The following ZNF324B variants were observed in gnomAD, a reference collection of about 807,000 sequenced individuals.
ZNF324B encodes the protein zinc finger protein 324B.
ZNF324B carries 7 observed loss-of-function variants against 10.6 expected under a neutral mutation model. The observed-to-expected ratio is 0.66, with a 90% CI of 0.38 to 1.24. The LOEUF (loss-of-function observed/expected upper bound fraction) is 1.24, where lower values mean the gene tolerates loss of function less well. Among genes scored for constraint, ZNF324B ranks in the 50% most tolerant of loss-of-function variants. The pLI, the probability that ZNF324B is intolerant of heterozygous loss-of-function variation, is 0.02. For synonymous variants in ZNF324B, 316 were observed against 321.0 expected (o/e 0.98, Z 0.17); for missense variants, 640 against 764.7 (o/e 0.84, Z 1.92).
chr19:58,424,388 TTAA>T, the ZNF324B span, among the ~76,000 whole-genome samples: 1,495 of 152,310 alleles, frequency 9.8e-3, 31 homozygotes, highest in African/African-American at 0.034. Context: ...CGATTATAAG[TTAA>T]TAATCATCCA....
At chr19:58,439,681 A>G in the ZNF324B span, 1 of 1,425,668 alleles carries the variant, frequency 7.0e-7, no homozygotes, top group Non-Finnish European at 9.3e-7. Flanking sequence ...CAGGACACCA[A>G]CATCCCCTCT....
chr19:58,437,200 A>C, the ZNF324B span: 1 of 1,599,286 alleles, frequency 6.3e-7, no homozygotes, highest in African/African-American at 1.3e-5. Context: ...GCTGAGCCAC[A>C]GGGCCAAGAA....
chr19:58,427,441 T>TC, the ZNF324B span, among the ~76,000 whole-genome samples: 207 of 84,270 alleles, frequency 2.5e-3, 2 homozygotes, highest in Middle Eastern at 4.5e-3. Flanking sequence ...CTTCCTTCCT[T>TC]CCTTTCCTTT....
At chr19:58,442,871 G>A in the ZNF324B span, 1 of 152,420 alleles carries the variant, frequency 6.6e-6, no homozygotes, top group South Asian at 2.1e-4. Context: ...AAGATTTATT[G>A]CGAAGAGCAA....
At chr19:58,427,375 T>TC in the ZNF324B span, among the ~76,000 whole-genome samples, 447 of 50,384 alleles carry the variant, frequency 8.9e-3, 5 homozygotes, top group African/African-American at 0.029. Context: ...TCTTTCTTTC[T>TC]TTCTTTCTTT....
chr19:58,433,634 A>T, the ZNF324B span: 2 of 1,614,204 alleles, frequency 1.2e-6, no homozygotes, highest in Non-Finnish European at 1.7e-6. Flanking sequence ...AATTTCCCAC[A>T]TTCACTGCAT....
the ZNF324B span, among the ~76,000 whole-genome samples, chr19:58,431,667 A>C: frequency 6.6e-6 from 1 of 152,190 alleles, no homozygotes; most frequent in Non-Finnish European, 1.5e-5. Context: ...ACATGTGATG[A>C]TGCTGAAATT....
intron 1 of ZNF324B, chr19:58,453,382 T>C: frequency 4.5e-6 from 2 of 445,890 alleles, no homozygotes; most frequent in East Asian, 4.6e-5. Flanking sequence ...GGGTCATGAA[T>C]GGTCATGCTG....
At chr19:58,424,094 A>G in the ZNF324B span, among the ~76,000 whole-genome samples, 10 of 151,922 alleles carry the variant, frequency 6.6e-5, no homozygotes, top group Non-Finnish European at 1.5e-4. Flanking sequence ...ACAAAAAAAA[A>G]AAAAATTAGC....
At chr19:58,433,529 T>TA in the ZNF324B span, 1 of 1,614,206 alleles carries the variant, frequency 6.2e-7, no homozygotes. Context: ...AGGTGGGAGT[T>TA]ACTGCTAAAG....
the ZNF324B span, chr19:58,440,087 G>T: frequency 2.1e-6 from 1 of 487,182 alleles, no homozygotes; most frequent in East Asian, 4.0e-5. Flanking sequence ...ACCCACTCCC[G>T]TGCCCTGGTG....
At position 58,455,785 on chromosome 19, in the gene ZNF324B, G is replaced by A. The variant is rs146738748; in HGVS notation, c.841G>A (p.Gly281Arg). ...CCTCAAGCACCTACGCACCCACACC[G>A]GGGAGCGGCCCTACGAGTGCACCCA... Reference protein sequence around the residue: ...DLLKHLRTHTGERPYECTQCG... With the variant: ...DLLKHLRTHTRERPYECTQCG... Residue 281 changes from glycine (G) to arginine (R), a missense_variant, in exon 4 of 4, where the codon GGG (glycine) becomes AGG (arginine). Around this residue, in one of 3 missense-constraint regions of ZNF324B, gnomAD observed 345 missense variants for 387.9 expected, o/e 0.89. Coordinates refer to ENST00000336614, the MANE Select transcript of ZNF324B (RefSeq NM_207395.3). This position sits in a 1 kb window ranked among gnomAD's most constrained non-coding sequence, Gnocchi z 7.0. 22 of 1,614,096 alleles carry A rather than the reference G, an allele frequency of 1.4e-5. No individual in the cohort carries two copies. The highest frequency in any genetic ancestry group is 4.0e-5 in the African/African-American group (3 of 75,076).
the ZNF324B span, chr19:58,440,117 T>C: frequency 2.3e-6 from 1 of 438,424 alleles, no homozygotes; most frequent in South Asian, 2.9e-5. Flanking sequence ...AGGCCTGCTG[T>C]AGCCCAACCC....
the ZNF324B span, among the ~76,000 whole-genome samples, chr19:58,427,467 TTCC>T: frequency 3.0e-5 from 3 of 101,614 alleles, no homozygotes; most frequent in Admixed American, 2.0e-4. Context: ...CCTTCCTTCC[TTCC>T]TTCCTTCCTT....
At chr19:58,427,424 TTCCTTCCTTCCTTCC>T in the ZNF324B span, among the ~76,000 whole-genome samples, 95 of 29,924 alleles carry the variant, frequency 3.2e-3, 1 homozygote, top group Non-Finnish European at 3.7e-3. Context: ...CCTTCCTTCC[TTCCTTCCTTCCTTCC>T]TTCCTTTCCT....
chr19:58,427,360 T>TTCTC, the ZNF324B span, among the ~76,000 whole-genome samples: 1 of 45,274 alleles, frequency 2.2e-5, no homozygotes, highest in African/African-American at 6.4e-5. Context: ...CTTTCTTTCT[T>TTCTC]TCTTTCTTTC....
rs1426936489 is a variant in ZNF324B at position 58,456,062 on chromosome 19, A to G, written c.1118A>G (p.Gln373Arg). The change falls in exon 4 of 4, where the codon CAG becomes CGG. Residue 373 changes from glutamine to arginine, a missense_variant. This residue lies in a region of ZNF324B where 238 missense variants were observed against 258.0 expected (regional missense o/e 0.92). Coordinates refer to ENST00000336614, the MANE Select transcript of ZNF324B (RefSeq NM_207395.3). The surrounding 1 kb of genome is among the most constrained non-coding windows in gnomAD (Gnocchi z 4.7). ...GGTGGGCGTCCTTATGCTTGCGCAC[A>G]GTGTGGCCGCCGCTTCTGCCGCAAC... Reference protein sequence around the residue: ...HAGGRPYACAQCGRRFCRNSH... With the variant: ...HAGGRPYACARCGRRFCRNSH... 5 of 1,610,896 alleles carry G rather than the reference A, an allele frequency of 3.1e-6. No homozygotes were observed. In the Admixed American group the frequency reaches 8.3e-5, roughly 27 times the overall value.
At chr19:58,434,628 GA>G in the ZNF324B span, 1 of 1,614,200 alleles carries the variant, frequency 6.2e-7, no homozygotes, top group Non-Finnish European at 8.5e-7. Context: ...TCTCCTCTAA[GA>G]AATTTCCACC....
the ZNF324B span, chr19:58,445,796 C>T: frequency 4.1e-6 from 1 of 244,572 alleles, no homozygotes; most frequent in South Asian, 4.6e-5. Context: ...GACTGGGTGA[C>T]AGAGCAAGAC....
Sources: allele counts gnomAD v4.1 joint callset (sites outside exome capture counted in the v4.1 genomes callset), GRCh38; gene constraint gnomAD v4.1.1; regional missense constraint gnomAD v4.1.1; non-coding constraint Gnocchi (gnomAD v3.1); transcripts MANE v1.5; gene names NCBI Gene and HGNC (gene_info 2026-07-23, HGNC 2026-07-21).